Variants in WDR7 observed in about 807,000 individuals in gnomAD.
The protein encoded by WDR7 is WD repeat domain 7, also known as WD repeat-containing protein 7.
A neutral mutation model predicts 169.4 loss-of-function variants in WDR7; 46 were observed. The observed-to-expected ratio is 0.27, with a 90% CI of 0.21 to 0.35. The LOEUF is 0.35. Ranked by LOEUF, WDR7 falls within the 10% of genes least tolerant of loss-of-function variation. The pLI is 1.00. For synonymous variants in WDR7, 612 were observed against 666.8 expected (o/e 0.92, Z 1.27); for missense variants, 1,534 against 1,859.3 (o/e 0.83, Z 3.22).
chr18:56,998,197 G>A (rs574051940), intron 26 of WDR7, among the ~76,000 whole-genome samples: 7 of 152,202 alleles, frequency 4.6e-5, no homozygotes, highest in African/African-American at 1.2e-4. Context: ...TTAGGTATCC[G>A]TAATTTTTGT....
chr18:56,939,243 T>TTAA, intron 24 of WDR7, 68 bp from the exon 25 acceptor site: 1 of 1,224,950 alleles, frequency 8.2e-7, no homozygotes. Flanking sequence ...GAGGCCTAAA[T>TTAA]TAATCATTTA....
intron 1 of WDR7, among the ~76,000 whole-genome samples, chr18:56,658,393 C>T (rs755167524): frequency 1.3e-4 from 20 of 152,116 alleles, no homozygotes; most frequent in African/African-American, 1.9e-4. Flanking sequence ...TGAGCCACTG[C>T]GCCCAGCCTG....
chr18:56,793,511 A>G (rs1599048382), intron 19 of WDR7, among the ~76,000 whole-genome samples: 1 of 152,230 alleles, frequency 6.6e-6, no homozygotes, highest in Non-Finnish European at 1.5e-5. Context: ...CAATTTCTAG[A>G]AAGCACACTA....
At chr18:56,842,171 A>G (rs530364798) in intron 20 of WDR7, among the ~76,000 whole-genome samples, 1 of 152,272 alleles carries the variant, frequency 6.6e-6, no homozygotes, top group East Asian at 1.9e-4. Flanking sequence ...TGTTGCTGTA[A>G]CTGAATACCT....
intron 20 of WDR7, among the ~76,000 whole-genome samples, chr18:56,866,756 C>A (rs2045888150): frequency 6.6e-6 from 1 of 152,092 alleles, no homozygotes; most frequent in Admixed American, 6.6e-5. Flanking sequence ...TAGGAGTTTT[C>A]AGTAAAGTTT....
intron 21 of WDR7, among the ~76,000 whole-genome samples, chr18:56,912,537 A>G (rs1234796598): frequency 6.6e-6 from 1 of 152,168 alleles, no homozygotes; most frequent in Non-Finnish European, 1.5e-5. Flanking sequence ...TCTTTCCTGA[A>G]TTTGCTTCAA....
chr18:56,678,144 A>T (rs140135991), intron 2 of WDR7, among the ~76,000 whole-genome samples: 1 of 152,260 alleles, frequency 6.6e-6, no homozygotes, highest in East Asian at 1.9e-4. Context: ...AATTTGTCTG[A>T]TAGAACTCTG....
intron 14 of WDR7, among the ~76,000 whole-genome samples, chr18:56,739,885 T>C (rs1174103646): frequency 6.6e-6 from 1 of 151,774 alleles, no homozygotes; most frequent in East Asian, 1.9e-4. Flanking sequence ...GATTTTTTTT[T>C]TTTTTTGTAT....
At chr18:56,707,630 T>C (rs2025989664) in intron 12 of WDR7, among the ~76,000 whole-genome samples, 1 of 152,096 alleles carries the variant, frequency 6.6e-6, no homozygotes, top group Non-Finnish European at 1.5e-5. Context: ...TGTGGGTAGA[T>C]TACAGTGGGG....
intron 14 of WDR7, among the ~76,000 whole-genome samples, chr18:56,745,120 CA>C (rs138865218): frequency 0.035 from 5,313 of 152,226 alleles, 318 homozygotes; most frequent in African/African-American, 0.12. Context: ...AGGATTCATA[CA>C]TGCCTTATGA....
At chr18:56,865,654 G>A (rs888104883) in intron 20 of WDR7, among the ~76,000 whole-genome samples, 20 of 151,846 alleles carry the variant, frequency 1.3e-4, no homozygotes, top group African/African-American at 4.8e-4. Context: ...TTTCTTCTGT[G>A]GAAATGGTTG....
At chr18:57,010,174 G>A in intron 26 of WDR7, 1 of 985,424 alleles carries the variant, frequency 1.0e-6, no homozygotes, top group Non-Finnish European at 1.2e-6. Context: ...TCTAGCATGT[G>A]TTCAAATAGT....
Position 56,784,092 on chromosome 18 carries a change from C to T in WDR7, c.3190+2436C>T, listed in dbSNP as rs776504276. 9.3e-4 allele frequency among the ~76,000 whole-genome samples: 141 copies of T among 152,216 alleles called. 1 individual carries two copies. Among genetic ancestry groups the T allele is most frequent in the Non-Finnish European group, 1.4e-3 (98 of 68,010 alleles). On this transcript the variant is annotated intron_variant, in intron 19 of 27. Coordinates refer to ENST00000254442, the MANE Select transcript of WDR7 (RefSeq NM_015285.3). ...ACCATTACAATAACCTTGTAAAGTA[C>T]CCACTATTGCCATCACGGCCTGCCT...
chr18:56,765,324 T>G (rs2044045056), intron 16 of WDR7, among the ~76,000 whole-genome samples: 2 of 152,040 alleles, frequency 1.3e-5, no homozygotes, highest in South Asian at 4.1e-4. Flanking sequence ...TCTTTTTCTT[T>G]TTCTGCTGTC....
At chr18:56,791,759 A>G (rs1278510276) in intron 19 of WDR7, among the ~76,000 whole-genome samples, 7 of 152,190 alleles carry the variant, frequency 4.6e-5, no homozygotes, top group Non-Finnish European at 1.0e-4. Context: ...AGCTTTTCCC[A>G]TTTAGAAGTG....
chr18:56,783,944 A>T (rs6566835), intron 19 of WDR7, among the ~76,000 whole-genome samples: 4 of 152,094 alleles, frequency 2.6e-5, no homozygotes, highest in Non-Finnish European at 4.4e-5. Context: ...TGTTGTTTGG[A>T]GAGAGGTGTG....
chr18:56,763,025 A>G (rs1296344567), intron 16 of WDR7, among the ~76,000 whole-genome samples: 1 of 151,568 alleles, frequency 6.6e-6, no homozygotes, highest in Non-Finnish European at 1.5e-5. Flanking sequence ...CAGTGGCGCG[A>G]TCTCAGCTCA....
At chr18:56,924,200 G>T in intron 22 of WDR7, 92 bp downstream of exon 22, 1 of 1,400,988 alleles carries the variant, frequency 7.1e-7, no homozygotes, top group East Asian at 2.5e-5. Context: ...TATAGATTGT[G>T]CATGTTTAAT....
At chr18:57,023,566 G>A (rs1374863967) in intron 27 of WDR7, among the ~76,000 whole-genome samples, 1 of 152,192 alleles carries the variant, frequency 6.6e-6, no homozygotes, top group Admixed American at 6.5e-5. Flanking sequence ...CAAAGAACCA[G>A]TTTTGTGAAG....
Sources: allele counts gnomAD v4.1 joint callset (sites outside exome capture counted in the v4.1 genomes callset), GRCh38; gene constraint gnomAD v4.1.1; transcripts MANE v1.5; gene names NCBI Gene and HGNC (gene_info 2026-07-23, HGNC 2026-07-21).